PMFBP1: variants seen among roughly 807,000 people sequenced by gnomAD.
PMFBP1 encodes the protein polyamine modulated factor 1 binding protein 1.
A neutral mutation model predicts 137.8 loss-of-function variants in PMFBP1; 131 were observed. The ratio of observed to expected loss-of-function variants is 0.95; its 90% CI spans 0.82 to 1.10. The LOEUF (loss-of-function observed/expected upper bound fraction) is 1.10. PMFBP1 is among the 50% of genes least tolerant of loss of function. The pLI, the probability that PMFBP1 is intolerant of heterozygous loss-of-function variation, is 0.00. For synonymous variants in PMFBP1, 490 were observed against 450.4 expected, an observed-to-expected ratio of 1.09 and a Z score of -1.11; for missense variants, 1,199 against 1,175.4, an observed-to-expected ratio of 1.02 and a Z score of -0.29.
chr16:72,179,363 T>C (rs1000473203), upstream of PMFBP1, among the ~76,000 whole-genome samples: 3 of 152,202 alleles, frequency 2.0e-5, no homozygotes, highest in Non-Finnish European at 2.9e-5. Flanking sequence ...TTTCTGAGTG[T>C]CATTTTACAA....
At chr16:72,185,147 C>T in the PMFBP1 span, among the ~76,000 whole-genome samples, 2 of 152,086 alleles carry the variant, frequency 1.3e-5, no homozygotes, top group African/African-American at 4.8e-5. Flanking sequence ...CCTCAGCCTC[C>T]TGAGTAGCTG....
the PMFBP1 span, among the ~76,000 whole-genome samples, chr16:72,199,573 G>C: frequency 6.8e-6 from 1 of 146,412 alleles, no homozygotes; most frequent in East Asian, 2.0e-4. Context: ...AGAATCGCTT[G>C]AACCTGGGAG....
chr16:72,174,823 C>T (rs1026211345), upstream of PMFBP1, among the ~76,000 whole-genome samples: 1 of 152,170 alleles, frequency 6.6e-6, no homozygotes, highest in Admixed American at 6.5e-5. Context: ...ATTCAATTAC[C>T]TCCCACCAGC....
At chr16:72,136,863 A>C (rs373084799) in intron 7 of PMFBP1, 44 bp from the exon 8 acceptor site, 20 of 1,611,690 alleles carry the variant, frequency 1.2e-5, no homozygotes, top group Middle Eastern at 1.7e-4. Flanking sequence ...ATGAGAGACA[A>C]TGGAGAGTGC....
At chr16:72,198,024 A>G in the PMFBP1 span, among the ~76,000 whole-genome samples, 1 of 152,070 alleles carries the variant, frequency 6.6e-6, no homozygotes, top group Non-Finnish European at 1.5e-5. Context: ...CGTTGGGGGC[A>G]CCTTTTTGTT....
the PMFBP1 span, among the ~76,000 whole-genome samples, chr16:72,192,819 T>C: frequency 6.6e-6 from 1 of 151,510 alleles, no homozygotes; most frequent in African/African-American, 2.4e-5. Flanking sequence ...GCGGAATCGC[T>C]TGAACTCGGG....
In PMFBP1 at chr16:72,136,498, G is replaced by C. The variant is rs770438041; in HGVS notation, c.1153C>G (p.Leu385Val). 1 of 1,613,880 alleles carries C rather than the reference G, an allele frequency of 6.2e-7. No homozygotes were observed. The highest frequency in any genetic ancestry group is 1.1e-5 in the South Asian group (1 of 91,050). ...TGGGTCTCGGTGAACTCCAGCTGCA[G>C]CTCCTGCAGCCGGCACTGCAGGATG... ...ITILQCRLQELQLEFTETQKL... is the reference protein window; with the variant it reads ...ITILQCRLQEVQLEFTETQKL... The change falls in exon 9 of 21, where the codon CTG becomes GTG. Residue 385 changes from leucine (L) to valine (V), a missense_variant. By Grantham distance (32) the Leu-to-Val change is conservative. Coordinates refer to ENST00000237353, the MANE Select transcript of PMFBP1 (RefSeq NM_031293.3).
chr16:72,243,551 T>C, the PMFBP1 span, among the ~76,000 whole-genome samples: 1 of 152,230 alleles, frequency 6.6e-6, no homozygotes, highest in Non-Finnish European at 1.5e-5. Flanking sequence ...TCTGCCTCCA[T>C]GTTTATTTCT....
the PMFBP1 span, among the ~76,000 whole-genome samples, chr16:72,196,480 G>C: frequency 6.6e-6 from 1 of 152,086 alleles, no homozygotes; most frequent in African/African-American, 2.4e-5. Flanking sequence ...CACCTGTCTT[G>C]TAAATCCTCA....
the PMFBP1 span, among the ~76,000 whole-genome samples, chr16:72,201,164 C>A: frequency 1.3e-5 from 2 of 152,172 alleles, no homozygotes; most frequent in African/African-American, 4.8e-5. Context: ...CCTCCCCCAG[C>A]AATACTTTAA....
chr16:72,125,967 C>A lies in PMFBP1; in HGVS notation c.2253+1G>T, dbSNP rs760668653. The A allele has an allele frequency of 1.2e-6, 2 of 1,613,864 alleles. No homozygotes were observed. Among genetic ancestry groups the A allele is most frequent in the African/African-American group, 2.7e-5 (2 of 75,042 alleles). ...CTGGAGACTAGAGGGTGTGGCCTCA[C>A]CTTCTCGAGGGCTTGTGTCAGGTCA... On this transcript the variant is annotated splice_donor_variant, in intron 15 of 20. Coordinates refer to ENST00000237353, the MANE Select transcript of PMFBP1 (RefSeq NM_031293.3). LOFTEE classifies it high-confidence loss of function.
the PMFBP1 span, among the ~76,000 whole-genome samples, chr16:72,189,524 C>A: frequency 6.6e-6 from 1 of 152,140 alleles, no homozygotes; most frequent in African/African-American, 2.4e-5. Flanking sequence ...AAGGAGCCCA[C>A]AGAAGGAAAA....
intron 7 of PMFBP1, among the ~76,000 whole-genome samples, chr16:72,137,913 T>G (rs1024354546): frequency 5.9e-5 from 9 of 151,396 alleles, no homozygotes; most frequent in Middle Eastern, 3.4e-3. Flanking sequence ...GACCCAGGAG[T>G]GGGCACTGCA....
the PMFBP1 span, among the ~76,000 whole-genome samples, chr16:72,188,116 C>A: frequency 6.6e-6 from 1 of 152,184 alleles, no homozygotes; most frequent in Non-Finnish European, 1.5e-5. Context: ...TTTAATATAA[C>A]AATGGGTTAA....
At chr16:72,167,670 G>A (rs1456397345) in intron 2 of PMFBP1, among the ~76,000 whole-genome samples, 1 of 152,184 alleles carries the variant, frequency 6.6e-6, no homozygotes, top group Non-Finnish European at 1.5e-5. Context: ...ACCCTAAGGA[G>A]CCTCTCCACT....
chr16:72,176,823 C>T (rs749738010), upstream of PMFBP1: 3 of 152,196 alleles, frequency 2.0e-5, no homozygotes, highest in Non-Finnish European at 4.4e-5. Context: ...GTTCACTCAC[C>T]GTTTCTAGCA....
At chr16:72,169,633 T>C (rs2043193151) in intron 2 of PMFBP1, among the ~76,000 whole-genome samples, 1 of 151,750 alleles carries the variant, frequency 6.6e-6, no homozygotes, top group South Asian at 2.1e-4. Context: ...ATAAAAAAGA[T>C]TTAAAAAATA....
chr16:72,135,704 C>CT (rs1386556590), intron 9 of PMFBP1, among the ~76,000 whole-genome samples: 1 of 146,866 alleles, frequency 6.8e-6, no homozygotes, highest in Admixed American at 6.8e-5. Context: ...TTCAAACTGC[C>CT]TATTTACATA....
intron 3 of PMFBP1, among the ~76,000 whole-genome samples, chr16:72,155,127 C>CATTCACTCAACAGA (rs2042962792): frequency 6.6e-6 from 1 of 152,112 alleles, no homozygotes; most frequent in Non-Finnish European, 1.5e-5. Context: ...TTCATTCATT[C>CATTCACTCAACAGA]ATTCACTCAA....
Sources: allele counts gnomAD v4.1 joint callset (sites outside exome capture counted in the v4.1 genomes callset), GRCh38; gene constraint gnomAD v4.1.1; transcripts MANE v1.5; gene names NCBI Gene and HGNC (gene_info 2026-07-23, HGNC 2026-07-21).